The following KIAA1328 variants were observed in gnomAD, a reference collection of about 807,000 sequenced individuals.
KIAA1328 encodes KIAA1328.
In KIAA1328, 52 loss-of-function variants were observed where a neutral mutation model predicts 68.1. That is an observed-to-expected ratio of 0.76 (90% CI 0.61 to 0.96). The LOEUF is 0.96. Ranked by LOEUF, KIAA1328 falls within the 40% of genes least tolerant of loss-of-function variation. The pLI, the probability that KIAA1328 is intolerant of heterozygous loss-of-function variation, is 0.00. For missense variants in KIAA1328, 641 were observed against 677.6 expected, an observed-to-expected ratio of 0.95 and a Z score of 0.60; for synonymous variants, 232 against 239.4, an observed-to-expected ratio of 0.97 and a Z score of 0.28.
At chr18:36,838,636 A>G (rs116921343) in intron 3 of KIAA1328, among the ~76,000 whole-genome samples, 145 of 152,060 alleles carry the variant, frequency 9.5e-4, no homozygotes, top group South Asian at 5.0e-3. Flanking sequence ...TGTCATTTTT[A>G]TTCCTCCTTA....
At chr18:37,077,510 G>T (rs1442644849) in intron 7 of KIAA1328, among the ~76,000 whole-genome samples, 2 of 150,398 alleles carry the variant, frequency 1.3e-5, no homozygotes, top group Non-Finnish European at 2.9e-5. Context: ...AGGAAATAAA[G>T]GGTATTCAAT....
At chr18:37,111,062 T>C (rs530058118) in intron 7 of KIAA1328, among the ~76,000 whole-genome samples, 45 of 152,298 alleles carry the variant, frequency 3.0e-4, no homozygotes, top group African/African-American at 9.9e-4. Context: ...AAGACTTTCT[T>C]TGTTACGTGG....
At chr18:37,034,250 C>A (rs1459827430) in intron 6 of KIAA1328, among the ~76,000 whole-genome samples, 5 of 151,604 alleles carry the variant, frequency 3.3e-5, no homozygotes, top group African/African-American at 9.7e-5. Context: ...AGTTGTAATA[C>A]AAAAAAAGGT....
intron 6 of KIAA1328, among the ~76,000 whole-genome samples, chr18:37,040,013 G>A (rs1416208911): frequency 3.9e-5 from 6 of 152,126 alleles, no homozygotes; most frequent in African/African-American, 1.4e-4. Flanking sequence ...CTTAATAGAG[G>A]CTGCACACAT....
chr18:37,138,102 T>TA (rs2058685155), intron 7 of KIAA1328, among the ~76,000 whole-genome samples: 1 of 152,258 alleles, frequency 6.6e-6, no homozygotes, highest in African/African-American at 2.4e-5. Flanking sequence ...TTTTCTCATT[T>TA]AATAGTAACA....
At chr18:36,986,300 G>T (rs2052921079) in intron 6 of KIAA1328, among the ~76,000 whole-genome samples, 1 of 152,116 alleles carries the variant, frequency 6.6e-6, no homozygotes, top group Non-Finnish European at 1.5e-5. Flanking sequence ...ATGAGTGAAT[G>T]TCAAAATAAT....
intron 7 of KIAA1328, among the ~76,000 whole-genome samples, chr18:37,098,335 G>A (rs1471535605): frequency 1.3e-5 from 2 of 152,216 alleles, no homozygotes; most frequent in Admixed American, 1.3e-4. Flanking sequence ...AGATAATCAT[G>A]TGTTTTTTGT....
intron 7 of KIAA1328, among the ~76,000 whole-genome samples, chr18:37,120,556 C>T (rs577621038): frequency 1.1e-4 from 17 of 152,038 alleles, no homozygotes; most frequent in Non-Finnish European, 2.2e-4. Flanking sequence ...TAAAGAAGCG[C>T]TGGATGGTGT....
chr18:36,987,828 T>A (rs963056303), intron 6 of KIAA1328, among the ~76,000 whole-genome samples: 8 of 152,132 alleles, frequency 5.3e-5, no homozygotes, highest in Non-Finnish European at 1.2e-4. Flanking sequence ...AATGCTGTTT[T>A]TTTTTGTTTT....
chr18:36,869,280 C>A (rs990489837), intron 4 of KIAA1328, among the ~76,000 whole-genome samples: 1 of 152,174 alleles, frequency 6.6e-6, no homozygotes, highest in African/African-American at 2.4e-5. Context: ...AAAAGAATAT[C>A]TTTTGAGTAA....
At chr18:36,927,776 A>T (rs4799893) in intron 5 of KIAA1328, among the ~76,000 whole-genome samples, 86,582 of 147,760 alleles carry the variant, frequency 0.59, 26,843 homozygotes, top group East Asian at 0.87. Flanking sequence ...AAAGAAAAAA[A>T]GAAAGAAATG....
Position 37,028,743 on chromosome 18 carries a change from T to G in KIAA1328, c.577-38147T>G, listed in dbSNP as rs532959218. Among the ~76,000 whole-genome samples, 9 of 152,206 alleles carry G rather than the reference T, an allele frequency of 5.9e-5. No individual in the cohort carries two copies. The South Asian group carries it at 1.9e-3, about 32-fold the overall frequency. ...GGTTTTTAAGATGAAGGGATAAATT[T>G]TATTGAAAATCTTTTCTGTGTCTAA... is the stretch of plus-strand genomic sequence containing the variant. On this transcript the variant is annotated intron_variant, in intron 6 of 9. Coordinates refer to ENST00000280020, the MANE Select transcript of KIAA1328 (RefSeq NM_020776.3).
chr18:37,222,321 C>G lies in KIAA1328; in HGVS notation c.*94C>G. ...TCATTGCAAAGTAATTGTGTCTCTC[C>G]TTTCACGGGGACTTGTCTCACTAGC... On this transcript the variant is annotated 3_prime_UTR_variant, in exon 10 of 10. Coordinates refer to ENST00000280020, the MANE Select transcript of KIAA1328 (RefSeq NM_020776.3). The G allele has an allele frequency of 6.6e-7, 1 of 1,509,920 alleles. No individual in the cohort carries two copies. 93.5% of individuals were successfully genotyped at this position (1,509,920 alleles called of 1,614,324 possible).
chr18:37,077,948 T>C (rs2056804910), intron 7 of KIAA1328, among the ~76,000 whole-genome samples: 1 of 152,142 alleles, frequency 6.6e-6, no homozygotes, highest in East Asian at 1.9e-4. Context: ...AACCTACCAA[T>C]GACTGTCTTC....
At chr18:37,041,525 G>A (rs978379062) in intron 6 of KIAA1328, among the ~76,000 whole-genome samples, 1 of 151,476 alleles carries the variant, frequency 6.6e-6, no homozygotes, top group Non-Finnish European at 1.5e-5. Context: ...TAATTTATTT[G>A]CATTTAATGT....
intron 4 of KIAA1328, among the ~76,000 whole-genome samples, chr18:36,845,899 G>A (rs2047011758): frequency 6.6e-6 from 1 of 151,494 alleles, no homozygotes. Context: ...AATATGCTAG[G>A]TTTTCTTTTT....
chr18:37,173,769 C>T (rs1247034635), intron 9 of KIAA1328, among the ~76,000 whole-genome samples: 8 of 152,112 alleles, frequency 5.3e-5, no homozygotes, highest in Non-Finnish European at 1.0e-4. Context: ...TAGAAATGCC[C>T]AAATTACAAG....
intron 6 of KIAA1328, among the ~76,000 whole-genome samples, chr18:37,009,305 C>A (rs1254476941): frequency 6.6e-6 from 1 of 152,104 alleles, no homozygotes; most frequent in African/African-American, 2.4e-5. Context: ...ACCTTCTTTG[C>A]AGATGGGGTG....
chr18:36,967,133 C>T (rs1177188564), intron 6 of KIAA1328, among the ~76,000 whole-genome samples: 2 of 152,144 alleles, frequency 1.3e-5, no homozygotes, highest in African/African-American at 2.4e-5. Flanking sequence ...AAAAGATTAT[C>T]TTGGTAGGCC....
Sources: allele counts gnomAD v4.1 joint callset (sites outside exome capture counted in the v4.1 genomes callset), GRCh38; gene constraint gnomAD v4.1.1; transcripts MANE v1.5; gene names NCBI Gene and HGNC (gene_info 2026-07-23, HGNC 2026-07-21).